The following UPP2 variants were observed in gnomAD, a reference collection of about 807,000 sequenced individuals.
UPP2 encodes UPase 2.
In UPP2, 23 loss-of-function variants were observed where a neutral mutation model predicts 26.7. The ratio of observed to expected loss-of-function variants is 0.86; its 90% CI spans 0.62 to 1.22. The LOEUF (loss-of-function observed/expected upper bound fraction) is 1.22. Ranked by LOEUF, UPP2 falls within the 50% of genes most tolerant of loss-of-function variation. The probability of loss-of-function intolerance (pLI) is 0.00; values close to 1 mark genes in which losing one functional copy is unlikely to be tolerated. For missense variants in UPP2, 387 were observed against 396.7 expected (o/e 0.98, Z 0.21); for synonymous variants, 127 against 141.3 (o/e 0.90, Z 0.72).
intron 3 of UPP2, among the ~76,000 whole-genome samples, chr2:158,084,828 T>G (rs1211472152): frequency 6.6e-6 from 1 of 152,172 alleles, no homozygotes; most frequent in Non-Finnish European, 1.5e-5. Context: ...ATTTCTGGGT[T>G]CTCTATTCTA....
At chr2:158,102,506 C>A (rs752616215) in intron 1 of UPP2, among the ~76,000 whole-genome samples, 3 of 152,146 alleles carry the variant, frequency 2.0e-5, no homozygotes, top group Non-Finnish European at 2.9e-5. Flanking sequence ...CCTCCCAGTG[C>A]CTGAGGGAGG....
At chr2:158,066,324 T>C (rs970468014) in intron 3 of UPP2, among the ~76,000 whole-genome samples, 1 of 152,234 alleles carries the variant, frequency 6.6e-6, no homozygotes, top group Non-Finnish European at 1.5e-5. Context: ...TTGTACCAAC[T>C]GACCTTTCCC....
At chr2:158,036,820 G>A (rs1168805219) in intron 3 of UPP2, among the ~76,000 whole-genome samples, 1 of 152,106 alleles carries the variant, frequency 6.6e-6, no homozygotes, top group Non-Finnish European at 1.5e-5. Context: ...TTGAAAGGGG[G>A]CACAGTCAAA....
At chr2:158,112,230 G>T (rs201167913) in intron 2 of UPP2, among the ~76,000 whole-genome samples, 3 of 152,096 alleles carry the variant, frequency 2.0e-5, no homozygotes, top group East Asian at 3.8e-4. Flanking sequence ...TAATGATAAA[G>T]ACAGTGTGGT....
intron 3 of UPP2, among the ~76,000 whole-genome samples, chr2:158,022,785 T>C (rs1481485492): frequency 6.6e-6 from 1 of 152,220 alleles, no homozygotes; most frequent in Admixed American, 6.5e-5. Context: ...ATCTTCTTAA[T>C]TCCTTATTTA....
At chr2:157,995,379 C>A in intron 2 of UPP2, 1 of 1,074,026 alleles carries the variant, frequency 9.3e-7, no homozygotes, top group Non-Finnish European at 1.4e-6. Context: ...TTTCAGCTTC[C>A]ATCAACTGGC....
At chr2:158,047,297 GA>G (rs1684170148) in intron 3 of UPP2, among the ~76,000 whole-genome samples, 1 of 152,222 alleles carries the variant, frequency 6.6e-6, no homozygotes, top group East Asian at 1.9e-4. Flanking sequence ...TTTAGGTGAT[GA>G]AAACTTTAGC....
chr2:158,083,063 C>T (rs1682753191), intron 3 of UPP2, among the ~76,000 whole-genome samples: 1 of 152,122 alleles, frequency 6.6e-6, no homozygotes, highest in Admixed American at 6.5e-5. Flanking sequence ...ACAACAGATG[C>T]TGGAGAGGAT....
intron 6 of UPP2, among the ~76,000 whole-genome samples, chr2:158,132,700 A>T (rs1413038887): frequency 1.3e-5 from 2 of 152,212 alleles, no homozygotes; most frequent in Non-Finnish European, 2.9e-5. Context: ...AAACAAATTA[A>T]GAAATGGGCA....
At chr2:158,112,137 C>G (rs1365224844) in intron 2 of UPP2, among the ~76,000 whole-genome samples, 1 of 152,090 alleles carries the variant, frequency 6.6e-6, no homozygotes, top group Non-Finnish European at 1.5e-5. Context: ...GCCTGGAATG[C>G]AGGATAGCCA....
At chr2:158,111,642 A>ATTTCTTTATTCCTCTTTCCAGC (rs1277516175) in intron 2 of UPP2, among the ~76,000 whole-genome samples, 3 of 152,030 alleles carry the variant, frequency 2.0e-5, no homozygotes, top group Non-Finnish European at 2.9e-5. Flanking sequence ...TCTGCTTTCC[A>ATTTCTTTATTCCTCTTTCCAGC]TTTCTTTATT....
intron 3 of UPP2, among the ~76,000 whole-genome samples, chr2:158,092,430 A>G (rs1483483448): frequency 6.6e-6 from 1 of 152,250 alleles, no homozygotes; most frequent in Non-Finnish European, 1.5e-5. Context: ...CCAGAAGATA[A>G]TGAATAAACA....
chr2:158,029,199 A>G (rs1412722464), intron 3 of UPP2, among the ~76,000 whole-genome samples: 2 of 152,256 alleles, frequency 1.3e-5, no homozygotes, highest in African/African-American at 2.4e-5. Context: ...GATATTAAAC[A>G]AAATATCTAG....
intron 3 of UPP2, among the ~76,000 whole-genome samples, chr2:158,050,112 G>A (rs957228977): frequency 3.3e-5 from 5 of 152,178 alleles, no homozygotes; most frequent in Non-Finnish European, 5.9e-5. Context: ...AAAGTGGAGC[G>A]TTTTATGCTT....
At chr2:158,073,437 T>G (rs1383388713) in intron 3 of UPP2, among the ~76,000 whole-genome samples, 2 of 151,832 alleles carry the variant, frequency 1.3e-5, no homozygotes, top group Non-Finnish European at 2.9e-5. Context: ...AGGGATAATA[T>G]CAAAGAACTT....
chr2:158,044,832 T>A (rs1159353742), intron 3 of UPP2, among the ~76,000 whole-genome samples: 1 of 152,176 alleles, frequency 6.6e-6, no homozygotes, highest in African/African-American at 2.4e-5. Flanking sequence ...GTTTGCTGTT[T>A]CATTTTAGTC....
chr2:158,079,898 G>A (rs905049102), intron 3 of UPP2, among the ~76,000 whole-genome samples: 25 of 152,062 alleles, frequency 1.6e-4, no homozygotes, highest in Admixed American at 1.6e-3. Flanking sequence ...TCAGTTTCCT[G>A]TCTGTCAGGC....
intron 6 of UPP2, among the ~76,000 whole-genome samples, chr2:158,128,538 A>G (rs1683739734): frequency 6.6e-6 from 1 of 152,196 alleles, no homozygotes; most frequent in Admixed American, 6.5e-5. Context: ...TTTACAAGAG[A>G]AAAACTTCAT....
intron 4 of UPP2, among the ~76,000 whole-genome samples, chr2:158,120,086 C>T (rs933186185): frequency 6.6e-6 from 1 of 151,642 alleles, no homozygotes; most frequent in African/African-American, 2.4e-5. Flanking sequence ...CAGTGGCCAC[C>T]TTGGGTCTCT....
Sources: allele counts gnomAD v4.1 joint callset (sites outside exome capture counted in the v4.1 genomes callset), GRCh38; gene constraint gnomAD v4.1.1; transcripts MANE v1.5; gene names NCBI Gene and HGNC (gene_info 2026-07-23, HGNC 2026-07-21).